Variants in DCLK1 observed in about 807,000 individuals in gnomAD.
DCLK1 encodes doublecortin like kinase 1.
A neutral mutation model predicts 86.2 loss-of-function variants in DCLK1; 16 were observed. The ratio of observed to expected loss-of-function variants is 0.19; its 90% CI spans 0.13 to 0.28. The LOEUF (loss-of-function observed/expected upper bound fraction) is 0.28, where lower values mean the gene tolerates loss of function less well. DCLK1 is among the 10% of genes least tolerant of loss of function. The pLI is 1.00. For missense variants in DCLK1, 590 were observed against 940.2 expected (o/e 0.63, Z 4.87); for synonymous variants, 369 against 370.5 (o/e 1.00, Z 0.05).
intron 6 of DCLK1, chr13:35,846,867 T>C: frequency 1.0e-6 from 1 of 985,324 alleles, no homozygotes; most frequent in Non-Finnish European, 1.2e-6. Flanking sequence ...GCAAGTATAT[T>C]CAAAATTTGT....
chr13:35,822,058 G>A (rs958174364), intron 11 of DCLK1, among the ~76,000 whole-genome samples: 4 of 151,880 alleles, frequency 2.6e-5, no homozygotes, highest in African/African-American at 9.7e-5. Context: ...ATATTATTGA[G>A]CTGTAAAGTT....
At chr13:36,116,874 A>G (rs948588221) in intron 2 of DCLK1, among the ~76,000 whole-genome samples, 20 of 152,232 alleles carry the variant, frequency 1.3e-4, no homozygotes, top group Non-Finnish European at 2.6e-4. Flanking sequence ...TACAGAATAG[A>G]ATATCGTAAA....
chr13:36,055,719 C>T (rs1883280016), intron 3 of DCLK1, among the ~76,000 whole-genome samples: 1 of 152,128 alleles, frequency 6.6e-6, no homozygotes, highest in South Asian at 2.1e-4. Flanking sequence ...TTCATTCTAA[C>T]TTCTTTAAAG....
At chr13:36,112,788 C>T (rs1331736808) in intron 2 of DCLK1, among the ~76,000 whole-genome samples, 1 of 152,188 alleles carries the variant, frequency 6.6e-6, no homozygotes, top group East Asian at 1.9e-4. Flanking sequence ...TCCACACATA[C>T]TATAAGGTCA....
chr13:35,851,699 C>T (rs996078096), intron 6 of DCLK1, among the ~76,000 whole-genome samples: 1 of 152,138 alleles, frequency 6.6e-6, no homozygotes. Flanking sequence ...AATAACTCTG[C>T]TTCGGAAAAA....
chr13:35,938,471 T>A (rs1876896222), intron 4 of DCLK1, among the ~76,000 whole-genome samples: 1 of 151,910 alleles, frequency 6.6e-6, no homozygotes, highest in African/African-American at 2.4e-5. Context: ...CTACTAAAAA[T>A]TCAAAAAATT....
Position 36,126,060 on chromosome 13 carries a change from C to T in DCLK1, c.78G>A (p.Arg26=). ...DKAQRYSRGS[R]VNGLPSPTHS... is the part of the protein sequence containing the mutation. ...GCGTCGGGCTCGGCAGGCCGTTCAC[C>T]CGCGACCCTCGGCTGTATCTCTGCG... is the stretch of plus-strand genomic sequence containing the variant. Residue 26 remains arginine, a synonymous_variant, in exon 2 of 17, where the codon CGG becomes CGA. Coordinates refer to ENST00000360631, the MANE Select transcript of DCLK1 (RefSeq NM_001330071.2). 6.2e-7 allele frequency: 1 copy of T among 1,613,088 alleles called. No homozygotes were observed. Among genetic ancestry groups the T allele is most frequent in the Non-Finnish European group, 8.5e-7 (1 of 1,179,964 alleles).
At chr13:35,864,943 T>C (rs1871685950) in intron 5 of DCLK1, among the ~76,000 whole-genome samples, 1 of 152,126 alleles carries the variant, frequency 6.6e-6, no homozygotes, top group Admixed American at 6.5e-5. Flanking sequence ...TAAGCCACCA[T>C]GCCTGGCCCC....
chr13:36,031,254 G>A (rs925520670), intron 3 of DCLK1, among the ~76,000 whole-genome samples: 5 of 151,672 alleles, frequency 3.3e-5, no homozygotes, highest in Non-Finnish European at 5.9e-5. Flanking sequence ...TTCCATTTAG[G>A]CTAAAAAGTT....
Position 35,873,237 on chromosome 13 carries a change from G to A in DCLK1, c.824-1897C>T, listed in dbSNP as rs118053291. Among the ~76,000 whole-genome samples, 49 of 151,998 alleles carry A rather than the reference G, an allele frequency of 3.2e-4. No homozygotes were observed. The East Asian group carries it at 7.9e-3, about 25-fold the overall frequency. On this transcript the variant is annotated intron_variant, in intron 4 of 16. Coordinates refer to ENST00000360631, the MANE Select transcript of DCLK1 (RefSeq NM_001330071.2). ...CACTTGAATCTGGAAGGCAGAGGCT[G>A]CAGTGAGCCAAGATCCCAAAAACAT...
chr13:35,906,992 C>T (rs143726881), intron 4 of DCLK1, among the ~76,000 whole-genome samples: 128 of 152,228 alleles, frequency 8.4e-4, no homozygotes, highest in African/African-American at 2.9e-3. Context: ...CAAGCTGTAA[C>T]CTTAAAAACA....
rs1368764685 is a variant in DCLK1, at chr13:35,920,296, T to C, written c.823+27062A>G. Among the ~76,000 whole-genome samples, 8 of 152,154 alleles carry C rather than the reference T, an allele frequency of 5.3e-5. No homozygotes were observed. In the East Asian group the frequency reaches 1.5e-3, roughly 29 times the overall value. On this transcript the variant is annotated intron_variant, in intron 4 of 16. Transcript: ENST00000360631. The stretch of plus-strand genomic sequence containing the variant: ...TCCTTGCCTTGACACGTATGGAGCA[T>C]AGCAATGCACATAGCATCACGGAAG...
intron 1 of DCLK1, among the ~76,000 whole-genome samples, chr13:36,130,485 C>G (rs1230007483): frequency 6.6e-6 from 1 of 152,142 alleles, no homozygotes; most frequent in Non-Finnish European, 1.5e-5. Flanking sequence ...CGGGGCTGTG[C>G]GTGCGCTCCC....
At chr13:35,847,472 A>G (rs1335046726) in intron 6 of DCLK1, 2 of 985,038 alleles carry the variant, frequency 2.0e-6, no homozygotes, top group Non-Finnish European at 2.4e-6. Context: ...TTACATAAAC[A>G]CCCAAACACC....
At chr13:35,838,320 A>T (rs1869542992) in intron 7 of DCLK1, among the ~76,000 whole-genome samples, 1 of 152,128 alleles carries the variant, frequency 6.6e-6, no homozygotes, top group East Asian at 1.9e-4. Context: ...TCGGAAAAAA[A>T]ATTAAATCAT....
chr13:35,985,839 C>A (rs1278687427), intron 3 of DCLK1, among the ~76,000 whole-genome samples: 1 of 152,112 alleles, frequency 6.6e-6, no homozygotes, highest in East Asian at 1.9e-4. Flanking sequence ...TGCTTGTTCC[C>A]AAATTAAAGT....
chr13:35,792,386 C>T (rs1463321262), intron 16 of DCLK1, among the ~76,000 whole-genome samples: 3 of 151,334 alleles, frequency 2.0e-5, no homozygotes, highest in Non-Finnish European at 2.9e-5. Flanking sequence ...AGAGCTCTCG[C>T]GCAACCAAAA....
chr13:36,100,523 C>T (rs953865948), intron 3 of DCLK1, among the ~76,000 whole-genome samples: 7 of 152,284 alleles, frequency 4.6e-5, no homozygotes, highest in East Asian at 1.9e-4. Context: ...TATCAACCAA[C>T]GACAGAAACG....
chr13:36,074,988 A>G (rs1361731055), intron 3 of DCLK1, among the ~76,000 whole-genome samples: 1 of 152,262 alleles, frequency 6.6e-6, no homozygotes, highest in Non-Finnish European at 1.5e-5. Flanking sequence ...TTGCTACTGA[A>G]TTTCTGCCAG....
Sources: gnomAD v4.1 joint callset for allele counts (sites outside exome capture counted in the v4.1 genomes callset) on GRCh38, gnomAD v4.1.1 for gene constraint, MANE v1.5 for transcripts, NCBI Gene and HGNC (gene_info 2026-07-23, HGNC 2026-07-21) for gene names.